Variants in NAALADL2 observed in about 807,000 individuals in gnomAD.
NAALADL2 encodes the protein inactive N-acetylated-alpha-linked acidic dipeptidase-like protein 2.
A neutral mutation model predicts 87.2 loss-of-function variants in NAALADL2; 76 were observed. The ratio of observed to expected loss-of-function variants is 0.87; its 90% confidence interval spans 0.72 to 1.05. The LOEUF (loss-of-function observed/expected upper bound fraction) is 1.05. Ranked by LOEUF, NAALADL2 falls within the 50% of genes least tolerant of loss-of-function variation. The pLI, the probability that NAALADL2 is intolerant of heterozygous loss-of-function variation, is 0.00. For missense variants in NAALADL2, 1,089 were observed against 945.8 expected (o/e 1.15, Z -1.99); for synonymous variants, 354 against 331.0 (o/e 1.07, Z -0.75).
chr3:175,176,224 T>A (rs1261746300), intron 2 of NAALADL2, among the ~76,000 whole-genome samples: 2 of 152,052 alleles, frequency 1.3e-5, no homozygotes, highest in Non-Finnish European at 2.9e-5. Context: ...GAATTTAGAT[T>A]TCCTTTCATT....
intron 4 of NAALADL2, among the ~76,000 whole-genome samples, chr3:175,292,929 C>T (rs1038058084): frequency 1.4e-5 from 2 of 146,888 alleles, no homozygotes; most frequent in African/African-American, 5.1e-5. Flanking sequence ...CCCAGCTACT[C>T]GGGAGGCTGA....
intron 13 of NAALADL2, among the ~76,000 whole-genome samples, chr3:175,780,351 C>A (rs1176820594): frequency 6.6e-6 from 1 of 151,802 alleles, no homozygotes; most frequent in East Asian, 1.9e-4. Flanking sequence ...ACACTACACA[C>A]ACATGCACAC....
chr3:175,708,442 T>G (rs1246896473), intron 11 of NAALADL2, among the ~76,000 whole-genome samples: 1 of 152,046 alleles, frequency 6.6e-6, no homozygotes, highest in African/African-American at 2.4e-5. Flanking sequence ...AGAGAAGCAG[T>G]CAGATTCAAG....
intron 9 of NAALADL2, among the ~76,000 whole-genome samples, chr3:175,533,976 G>A (rs4370039): frequency 0.018 from 2,763 of 151,538 alleles, 82 homozygotes; most frequent in African/African-American, 0.064. Flanking sequence ...TATAGAGTCA[G>A]TAAACTCCTT....
intron 1 of NAALADL2, among the ~76,000 whole-genome samples, chr3:175,016,478 T>A (rs1750834410): frequency 6.6e-6 from 1 of 151,508 alleles, no homozygotes; most frequent in Middle Eastern, 3.4e-3. Flanking sequence ...TATGGTAAGA[T>A]TAACCCCTGC....
chr3:175,377,219 C>T (rs980126331), intron 5 of NAALADL2, among the ~76,000 whole-genome samples: 2 of 151,792 alleles, frequency 1.3e-5, no homozygotes, highest in Admixed American at 6.6e-5. Context: ...GGCTAAGGCT[C>T]GAGAATCGAA....
chr3:175,422,961 G>A (rs1026156490), intron 5 of NAALADL2, among the ~76,000 whole-genome samples: 4 of 146,688 alleles, frequency 2.7e-5, no homozygotes, highest in Non-Finnish European at 3.0e-5. Flanking sequence ...TTAGAAGATA[G>A]GGGGCACTAT....
chr3:175,034,573 A>G (rs1453173312), intron 1 of NAALADL2, among the ~76,000 whole-genome samples: 2 of 152,042 alleles, frequency 1.3e-5, no homozygotes, highest in African/African-American at 4.8e-5. Flanking sequence ...CTCCATTACT[A>G]TCTATCCCAT....
At chr3:174,919,775 T>TA (rs1734900374) in intron 1 of NAALADL2, among the ~76,000 whole-genome samples, 1 of 152,226 alleles carries the variant, frequency 6.6e-6, no homozygotes, top group Non-Finnish European at 1.5e-5. Flanking sequence ...ATCAGAGGAA[T>TA]CCCTCTCTGG....
chr3:174,460,374 G>A (rs1452873939), intron 1 of NAALADL2, among the ~76,000 whole-genome samples: 3 of 151,922 alleles, frequency 2.0e-5, no homozygotes, highest in Non-Finnish European at 4.4e-5. Context: ...TATTTAAGAC[G>A]TTTATTGTGT....
At chr3:175,569,119 G>A (rs1717646516) in intron 9 of NAALADL2, among the ~76,000 whole-genome samples, 3 of 151,924 alleles carry the variant, frequency 2.0e-5, no homozygotes, top group South Asian at 2.1e-4. Context: ...TGGATCTCAG[G>A]GTAAGAACCC....
At chr3:175,479,779 T>C (rs1325306406) in intron 9 of NAALADL2, among the ~76,000 whole-genome samples, 1 of 151,854 alleles carries the variant, frequency 6.6e-6, no homozygotes, top group Non-Finnish European at 1.5e-5. Flanking sequence ...CTACTAACTG[T>C]ATTTTTAGTT....
intron 5 of NAALADL2, among the ~76,000 whole-genome samples, chr3:175,424,151 T>A (rs1716372480): frequency 2.0e-5 from 3 of 152,218 alleles, no homozygotes; most frequent in Admixed American, 1.3e-4. Flanking sequence ...GAGTTCATTG[T>A]AGATTCTGGA....
intron 3 of NAALADL2, among the ~76,000 whole-genome samples, chr3:174,808,670 AT>A (rs1287867182): frequency 6.6e-6 from 1 of 152,132 alleles, no homozygotes; most frequent in Non-Finnish European, 1.5e-5. Flanking sequence ...TTGGTGGATT[AT>A]TTTCCCCTAG....
chr3:175,390,840 G>T (rs765518436), intron 5 of NAALADL2, among the ~76,000 whole-genome samples: 1 of 152,100 alleles, frequency 6.6e-6, no homozygotes, highest in Admixed American at 6.5e-5. Flanking sequence ...AAAATAATCT[G>T]TATGCCAAGC....
intron 9 of NAALADL2, among the ~76,000 whole-genome samples, chr3:175,537,147 TATATAACTTGTTCAAGG>T (rs1468098065): frequency 1.3e-5 from 2 of 152,166 alleles, no homozygotes; most frequent in African/African-American, 4.8e-5. Flanking sequence ...TCAGAGAAAA[TATATAACTTGTTCAAGG>T]ATATAAAGGT....
chr3:174,843,572 G>T (rs991282787), intron 3 of NAALADL2, among the ~76,000 whole-genome samples: 1 of 152,250 alleles, frequency 6.6e-6, no homozygotes, highest in African/African-American at 2.4e-5. Flanking sequence ...GAGATTGCAA[G>T]AACATATGGT....
At chr3:174,701,292 C>G (rs773824748) in intron 2 of NAALADL2, among the ~76,000 whole-genome samples, 3 of 151,494 alleles carry the variant, frequency 2.0e-5, no homozygotes, top group Non-Finnish European at 4.4e-5. Flanking sequence ...AACCTAACAC[C>G]TAGCACTGAA....
chr3:174,572,583 ATAT>A (rs1225504627), intron 2 of NAALADL2, among the ~76,000 whole-genome samples: 1 of 152,208 alleles, frequency 6.6e-6, no homozygotes, highest in Non-Finnish European at 1.5e-5. Flanking sequence ...TTCAAAAAGG[ATAT>A]TATTTGTTAC....
Sources: allele counts gnomAD v4.1 joint callset (sites outside exome capture counted in the v4.1 genomes callset), GRCh38; gene constraint gnomAD v4.1.1; transcripts MANE v1.5; gene names NCBI Gene and HGNC (gene_info 2026-07-23, HGNC 2026-07-21).